Variants in SIK3 observed in about 807,000 individuals in gnomAD.
SIK3 encodes SIK family kinase 3, also known as serine/threonine-protein kinase SIK3.
SIK3 carries 28 observed loss-of-function variants against 144.2 expected under a neutral mutation model. That is an observed-to-expected ratio of 0.19 (90% CI 0.14 to 0.27). The LOEUF (loss-of-function observed/expected upper bound fraction) is 0.27, where lower values mean the gene tolerates loss of function less well. SIK3 is among the 10% of genes least tolerant of loss of function. The pLI is 1.00. For missense variants in SIK3, 1,319 were observed against 1,776.0 expected (o/e 0.74, Z 4.62); for synonymous variants, 686 against 676.3 (o/e 1.01, Z -0.22).
chr11:117,036,879 C>A (rs1303724706), intron 1 of SIK3, among the ~76,000 whole-genome samples: 4 of 152,116 alleles, frequency 2.6e-5, no homozygotes, highest in Non-Finnish European at 5.9e-5. Context: ...AAAACCAATA[C>A]CATATGAATC....
chr11:117,016,765 T>C (rs1356522117), intron 1 of SIK3, among the ~76,000 whole-genome samples: 2 of 152,236 alleles, frequency 1.3e-5, no homozygotes, highest in Non-Finnish European at 2.9e-5. Context: ...ATACCTTGAA[T>C]ATACACAAAT....
chr11:116,992,324 C>G lies in SIK3; in HGVS notation c.274-35260G>C, dbSNP rs570605737. ...TGGGCAACAGAGCAAGACCCCCCCCCCCAAAAAAAAACACCTCATATATTT... is the reference window on the plus strand; with the variant it reads ...TGGGCAACAGAGCAAGACCCCCCCCGCCAAAAAAAAACACCTCATATATTT... On this transcript the variant is annotated intron_variant, in intron 1 of 24. Coordinates refer to ENST00000445177, the MANE Select transcript of SIK3 (RefSeq NM_001366686.3). Among the ~76,000 whole-genome samples, 46 of 145,678 alleles carry G rather than the reference C, an allele frequency of 3.2e-4. No individual in the cohort carries two copies. The South Asian group carries it at 6.5e-3, about 21-fold the overall frequency.
chr11:116,886,512 C>T (rs2134662636), intron 6 of SIK3, among the ~76,000 whole-genome samples: 1 of 152,266 alleles, frequency 6.6e-6, no homozygotes, highest in East Asian at 1.9e-4. Flanking sequence ...TTATGTAAGC[C>T]TGGGTTTTGC....
chr11:116,873,658 G>A (rs772600473), intron 12 of SIK3, 22 bp from the exon 13 acceptor site: 4 of 1,528,646 alleles, frequency 2.6e-6, no homozygotes, highest in African/African-American at 1.4e-5. Context: ...AGAGTGGGGA[G>A]GACGGACCAT....
At chr11:117,085,359 T>G (rs1476429889) in intron 1 of SIK3, among the ~76,000 whole-genome samples, 1 of 152,152 alleles carries the variant, frequency 6.6e-6, no homozygotes. Context: ...CTAGCTAGCC[T>G]CAAGCGATCC....
Position 116,917,299 on chromosome 11 carries a change from G to A in SIK3, c.616+9920C>T, listed in dbSNP as rs541415736. 3.9e-5 allele frequency among the ~76,000 whole-genome samples: 6 copies of A among 152,280 alleles called. No homozygotes were observed. In the East Asian group the frequency reaches 1.2e-3, roughly 29 times the overall value. ...CGTTCTTAGAGTTCCTATAAGAACT[G>A]TAAGTTTCTATAACTTTTCTATAGT... is the stretch of plus-strand genomic sequence containing the variant. On this transcript the variant is annotated intron_variant, in intron 4 of 24. Coordinates refer to ENST00000445177, the MANE Select transcript of SIK3 (RefSeq NM_001366686.3).
intron 3 of SIK3, among the ~76,000 whole-genome samples, chr11:116,947,190 T>TTATATATAAATTATTATTTATATATAA (rs1948669970): frequency 8.0e-6 from 1 of 124,794 alleles, no homozygotes; most frequent in Non-Finnish European, 1.6e-5. Context: ...ATATAATATA[T>TTATATATAAATTATTATTTATATATAA]TATATACAAA....
In SIK3 at chr11:116,844,947, C is replaced by T. The variant is rs1382081668; in HGVS notation, c.*696G>A. Reference sequence around the variant, plus strand: ...TGCCAGGTCATTCTCAGCCTCCGTGCCAAACTCTTCATATGATCTTGGCTA... The same window carrying T: ...TGCCAGGTCATTCTCAGCCTCCGTGTCAAACTCTTCATATGATCTTGGCTA... On this transcript the variant is annotated 3_prime_UTR_variant, in exon 25 of 25. Coordinates refer to ENST00000445177, the MANE Select transcript of SIK3 (RefSeq NM_001366686.3). The T allele has an allele frequency of 6.6e-6, 1 of 151,972 alleles. No homozygotes were observed. 9.4% of individuals were successfully genotyped at this position (151,972 alleles called of 1,614,324 possible).
intron 1 of SIK3, among the ~76,000 whole-genome samples, chr11:117,049,483 C>T (rs145949765): frequency 0.025 from 3,735 of 151,948 alleles, 86 homozygotes; most frequent in South Asian, 0.11. Context: ...GAGGCTGAGG[C>T]ATGAGAATGG....
chr11:117,091,592 T>C (rs545651718), intron 1 of SIK3, among the ~76,000 whole-genome samples: 1 of 152,328 alleles, frequency 6.6e-6, no homozygotes, highest in African/African-American at 2.4e-5. Context: ...AAGGTCTTTT[T>C]CATGCCCAAT....
Position 116,939,742 on chromosome 11 carries a change from C to T in SIK3, c.455-12362G>A, listed in dbSNP as rs145519962. On this transcript the variant is annotated intron_variant, in intron 3 of 24. Transcript: ENST00000445177. ...AACTACAGGAACATGTTGAATGACA[C>T]AATAAATATATGATCAGCCAAATTC... 4.9e-3 allele frequency among the ~76,000 whole-genome samples: 742 copies of T among 152,174 alleles called. 7 individuals carry two copies. Among genetic ancestry groups the T allele is most frequent in the African/African-American group, 0.017 (703 of 41,518 alleles).
intron 1 of SIK3, among the ~76,000 whole-genome samples, chr11:117,050,518 T>C (rs1433773844): frequency 6.6e-6 from 1 of 151,694 alleles, no homozygotes; most frequent in Non-Finnish European, 1.5e-5. Context: ...AAACCCCATT[T>C]CCACTAAAAA....
At chr11:116,983,474 G>A (rs780503979) in intron 1 of SIK3, among the ~76,000 whole-genome samples, 5 of 151,912 alleles carry the variant, frequency 3.3e-5, no homozygotes, top group Non-Finnish European at 7.4e-5. Flanking sequence ...AAGTTGCAGT[G>A]AGCCGAGATT....
At chr11:116,985,909 T>C (rs1950310305) in intron 1 of SIK3, among the ~76,000 whole-genome samples, 1 of 152,218 alleles carries the variant, frequency 6.6e-6, no homozygotes, top group African/African-American at 2.4e-5. Context: ...AATCCAGTTA[T>C]TTCAGATGCG....
intron 1 of SIK3, among the ~76,000 whole-genome samples, chr11:117,004,657 C>A (rs755058290): frequency 1.3e-5 from 2 of 152,142 alleles, no homozygotes; most frequent in African/African-American, 2.4e-5. Flanking sequence ...TTATTAAGAC[C>A]TGACTCATTA....
chr11:116,847,103 G>A (rs1334735940), intron 23 of SIK3, among the ~76,000 whole-genome samples: 1 of 152,202 alleles, frequency 6.6e-6, no homozygotes, highest in Non-Finnish European at 1.5e-5. Context: ...TGGCAGACCT[G>A]CCCCGCCCAA....
At chr11:116,973,270 A>T (rs116597674) in intron 1 of SIK3, among the ~76,000 whole-genome samples, 2 of 152,184 alleles carry the variant, frequency 1.3e-5, no homozygotes, top group African/African-American at 4.8e-5. Context: ...CTAACAGCTC[A>T]TGGTTCTTTA....
intron 1 of SIK3, among the ~76,000 whole-genome samples, chr11:117,041,216 G>A (rs112858394): frequency 6.6e-6 from 1 of 152,138 alleles, no homozygotes; most frequent in Non-Finnish European, 1.5e-5. Context: ...AGGAAGTACT[G>A]TAAGAGATGG....
At chr11:116,894,475 A>G (rs1945290073) in intron 6 of SIK3, among the ~76,000 whole-genome samples, 1 of 152,204 alleles carries the variant, frequency 6.6e-6, no homozygotes, top group South Asian at 2.1e-4. Flanking sequence ...TCCCCATCTC[A>G]GTTGGCAGTA....
Sources: gnomAD v4.1 joint callset for allele counts (sites outside exome capture counted in the v4.1 genomes callset) on GRCh38, gnomAD v4.1.1 for gene constraint, MANE v1.5 for transcripts, NCBI Gene and HGNC (gene_info 2026-07-23, HGNC 2026-07-21) for gene names.